The following PTPRA variants were observed in gnomAD, a reference collection of about 807,000 sequenced individuals.
PTPRA encodes the protein protein tyrosine phosphatase receptor type A.
PTPRA carries 25 observed loss-of-function variants against 104.8 expected under a neutral mutation model. That is an observed-to-expected ratio of 0.24 (90% CI 0.17 to 0.33). The LOEUF is 0.33. Ranked by LOEUF, PTPRA falls within the 10% of genes least tolerant of loss-of-function variation. The pLI is 1.00. For synonymous variants in PTPRA, 323 were observed against 368.9 expected (o/e 0.88, Z 1.43); for missense variants, 765 against 1,015.3 (o/e 0.75, Z 3.35).
At chr20:2,952,081 C>T (rs923214234) in intron 3 of PTPRA, among the ~76,000 whole-genome samples, 7 of 151,294 alleles carry the variant, frequency 4.6e-5, no homozygotes, top group African/African-American at 9.7e-5. Flanking sequence ...GATTGCACCA[C>T]GGCACTCCAG....
At chr20:3,003,124 A>G (rs1600237605) in intron 9 of PTPRA, among the ~76,000 whole-genome samples, 1 of 152,192 alleles carries the variant, frequency 6.6e-6, no homozygotes, top group Non-Finnish European at 1.5e-5. Flanking sequence ...TCATCATGGT[A>G]TATAATTATA....
At chr20:2,953,641 T>C (rs1161261304) in intron 3 of PTPRA, among the ~76,000 whole-genome samples, 3 of 151,738 alleles carry the variant, frequency 2.0e-5, no homozygotes, top group South Asian at 2.1e-4. Context: ...AGAATCTTGC[T>C]GTGTTGCCCT....
chr20:2,943,126 T>C (rs1036495139), intron 2 of PTPRA, among the ~76,000 whole-genome samples: 1 of 151,742 alleles, frequency 6.6e-6, no homozygotes, highest in African/African-American at 2.4e-5. Context: ...ATAGCCTGCA[T>C]GTATAGGAAT....
chr20:2,949,049 A>G (rs2061260445), intron 3 of PTPRA, among the ~76,000 whole-genome samples: 1 of 152,020 alleles, frequency 6.6e-6, no homozygotes, highest in Non-Finnish European at 1.5e-5. Context: ...GGAAATCTTT[A>G]AGATGTCAGA....
chr20:2,965,108 G>T lies in PTPRA; in HGVS notation c.321G>T (p.Trp107Cys). The change falls in exon 5 of 24, where the codon TGG becomes TGT. Residue 107 changes from tryptophan (W) to cysteine (C), a missense_variant. Transcript: ENST00000399903. ...TTACAATTTCACCAAATGGAACGTG[G>T]CTTCCAGATAACCAGTTCACGGATG... ...IGITISPNGT[W>C]LPDNQFTDAR... 5 of 1,614,154 alleles carry T rather than the reference G, an allele frequency of 3.1e-6. No individual in the cohort carries two copies. The highest frequency in any genetic ancestry group is 4.2e-6 in the Non-Finnish European group (5 of 1,180,022).
chr20:2,979,415 G>T (rs1205984318), intron 6 of PTPRA, among the ~76,000 whole-genome samples: 4 of 152,132 alleles, frequency 2.6e-5, no homozygotes, highest in African/African-American at 9.7e-5. Context: ...TTTCTATGCT[G>T]TCATATTTTT....
At chr20:2,888,837 A>G (rs1014210595) in intron 1 of PTPRA, among the ~76,000 whole-genome samples, 3 of 152,210 alleles carry the variant, frequency 2.0e-5, no homozygotes, top group African/African-American at 4.8e-5. Flanking sequence ...AAGTAACAAT[A>G]AGGGAAGATA....
At chr20:2,942,974 TTATAA>T (rs1298846412) in intron 2 of PTPRA, among the ~76,000 whole-genome samples, 6 of 151,878 alleles carry the variant, frequency 4.0e-5, no homozygotes, top group South Asian at 2.1e-4. Flanking sequence ...AATACAATAC[TTATAA>T]TAATATGCCA....
Position 3,019,696 on chromosome 20 carries a change from TCGGCG to T in PTPRA, c.1042-1611_1042-1607del, listed in dbSNP as rs1164782683. 3.3e-5 allele frequency among the ~76,000 whole-genome samples: 5 copies of T among 152,146 alleles called. No individual in the cohort carries two copies. The East Asian group carries it at 9.7e-4, about 29-fold the overall frequency. On this transcript the variant is annotated intron_variant, in intron 13 of 23. Coordinates refer to ENST00000399903, the MANE Select transcript of PTPRA (RefSeq NM_001385305.1). ...TGGCGGCTGGGCAGAGGCTGCAATC[TCGGCG>T]CTTTGGGAGGCCAAAGCAGGCTGCT...
the PTPRA span, among the ~76,000 whole-genome samples, chr20:2,867,570 G>A: frequency 2.1e-5 from 1 of 46,768 alleles, no homozygotes. Context: ...CTAGCCCTCC[G>A]TTGGCACTCC....
intron 6 of PTPRA, among the ~76,000 whole-genome samples, chr20:2,985,077 T>C (rs150114670): frequency 4.6e-4 from 70 of 152,338 alleles, no homozygotes; most frequent in African/African-American, 1.6e-3. Flanking sequence ...ACTTCTCTGT[T>C]CCTAGTGTCT....
At chr20:3,019,322 T>TACCC (rs990298849) in intron 13 of PTPRA, among the ~76,000 whole-genome samples, 4 of 143,410 alleles carry the variant, frequency 2.8e-5, no homozygotes, top group Non-Finnish European at 6.1e-5. Context: ...CCAGACGGGG[T>TACCC]GGCTGCTGGG....
Position 2,923,272 on chromosome 20 carries a change from T to C in PTPRA, c.-63T>C. On this transcript the variant is annotated 5_prime_UTR_variant, in exon 2 of 24. Coordinates refer to ENST00000399903, the MANE Select transcript of PTPRA (RefSeq NM_001385305.1). ...CACTGAGTGGTAATGGATGATGCAG[T>C]TCAAATAACTAAGGTAAGAGAAATA... 5.4e-6 allele frequency: 7 copies of C among 1,286,390 alleles called. No individual in the cohort carries two copies. The highest frequency in any genetic ancestry group is 7.1e-6 in the Non-Finnish European group (7 of 987,464). 79.7% of individuals were successfully genotyped at this position (1,286,390 alleles called of 1,614,324 possible). A position where few individuals can be genotyped will look rare whatever the true frequency, so the allele number is the denominator to read the frequency against.
intron 6 of PTPRA, 55 bp from the exon 7 acceptor site, chr20:2,986,710 T>C: frequency 6.7e-7 from 1 of 1,490,230 alleles, no homozygotes; most frequent in Non-Finnish European, 9.4e-7. Context: ...AATGGCTGAC[T>C]TAAGCCCTCC....
intron 9 of PTPRA, among the ~76,000 whole-genome samples, chr20:2,992,732 T>C (rs2063236364): frequency 6.6e-6 from 1 of 152,136 alleles, no homozygotes; most frequent in South Asian, 2.1e-4. Flanking sequence ...CTCCATACAA[T>C]CTACCAGAGC....
chr20:2,915,887 T>A (rs1349267899), intron 1 of PTPRA, among the ~76,000 whole-genome samples: 2 of 152,052 alleles, frequency 1.3e-5, no homozygotes, highest in Non-Finnish European at 2.9e-5. Flanking sequence ...GGCAGGAAAA[T>A]TACTTGAACC....
intron 5 of PTPRA, among the ~76,000 whole-genome samples, chr20:2,971,799 C>G (rs1230138995): frequency 6.6e-6 from 1 of 151,876 alleles, no homozygotes; most frequent in Non-Finnish European, 1.5e-5. Context: ...TTTTTTTTCT[C>G]TTTTGGTCTG....
At chr20:2,988,903 G>A (rs890215286) in intron 9 of PTPRA, among the ~76,000 whole-genome samples, 3 of 152,218 alleles carry the variant, frequency 2.0e-5, no homozygotes, top group African/African-American at 7.2e-5. Context: ...AAGGACTGGT[G>A]CATATTTGTA....
At chr20:3,032,764 CAAA>C (rs937740792) in intron 20 of PTPRA, among the ~76,000 whole-genome samples, 12 of 99,250 alleles carry the variant, frequency 1.2e-4, no homozygotes, top group Admixed American at 2.2e-4. Context: ...GACTCCATCT[CAAA>C]AAAAAAAAAA....
Sources: gnomAD v4.1 joint callset for allele counts (sites outside exome capture counted in the v4.1 genomes callset) on GRCh38, gnomAD v4.1.1 for gene constraint, MANE v1.5 for transcripts, NCBI Gene and HGNC (gene_info 2026-07-23, HGNC 2026-07-21) for gene names.